Variants in SPAG16 observed in about 807,000 individuals in gnomAD.
The protein encoded by SPAG16 is sperm associated antigen 16.
Under a neutral mutation model 80.4 loss-of-function variants are expected in SPAG16, and 86 were observed. That is an observed-to-expected ratio of 1.07 (90% CI 0.90 to 1.28). The LOEUF (loss-of-function observed/expected upper bound fraction) is 1.28, where lower values mean the gene tolerates loss of function less well. Among genes scored for constraint, SPAG16 ranks in the 50% most tolerant of loss-of-function variants. The probability of loss-of-function intolerance (pLI) is 0.00; values close to 1 mark genes in which losing one functional copy is unlikely to be tolerated. For synonymous variants in SPAG16, 294 were observed against 265.9 expected (o/e 1.11, Z -1.03); for missense variants, 870 against 765.3 (o/e 1.14, Z -1.61).
In SPAG16 at chr2:213,286,184, G is replaced by A. The variant is rs74321489; in HGVS notation, c.136+1565G>A. On this transcript the variant is annotated intron_variant, in intron 1 of 15. Coordinates refer to ENST00000331683, the MANE Select transcript of SPAG16 (RefSeq NM_024532.5). ...CTTTTTCAAATAATCACACTTATTT[G>A]AACTTTAACACATATAAGCAACTGT... Among the ~76,000 whole-genome samples the A allele has an allele frequency of 3.5e-4, 53 of 152,260 alleles. 1 individual carries two copies. The East Asian group carries it at 0.01, about 29-fold the overall frequency.
At chr2:213,873,290 G>T (rs2076020883) in intron 11 of SPAG16, among the ~76,000 whole-genome samples, 2 of 151,684 alleles carry the variant, frequency 1.3e-5, no homozygotes, top group African/African-American at 4.8e-5. Flanking sequence ...TCTCATATTT[G>T]TTGCCATGTT....
intron 9 of SPAG16, among the ~76,000 whole-genome samples, chr2:213,462,855 T>C (rs2072460396): frequency 1.3e-5 from 2 of 152,166 alleles, no homozygotes; most frequent in African/African-American, 4.8e-5. Flanking sequence ...AGTAAATCGG[T>C]ACCACAGAGA....
At chr2:213,917,215 C>T (rs1240086085) in intron 11 of SPAG16, among the ~76,000 whole-genome samples, 1 of 152,080 alleles carries the variant, frequency 6.6e-6, no homozygotes, top group Middle Eastern at 3.2e-3. Flanking sequence ...AATGTGATGC[C>T]TCCAGCTTTG....
chr2:213,561,558 C>A (rs2125983078), intron 10 of SPAG16, among the ~76,000 whole-genome samples: 1 of 152,104 alleles, frequency 6.6e-6, no homozygotes, highest in South Asian at 2.1e-4. Flanking sequence ...TACTATGTAC[C>A]CACAAAAGTT....
intron 10 of SPAG16, among the ~76,000 whole-genome samples, chr2:213,702,900 T>C (rs1385512984): frequency 2.6e-5 from 4 of 152,022 alleles, no homozygotes; most frequent in Non-Finnish European, 4.4e-5. Flanking sequence ...CCCAAGGAGG[T>C]GGGCTTCTCT....
chr2:213,917,915 A>G (rs1382976605), intron 11 of SPAG16, among the ~76,000 whole-genome samples: 1 of 152,160 alleles, frequency 6.6e-6, no homozygotes, highest in African/African-American at 2.4e-5. Context: ...TGGGTTTGTC[A>G]TAGATGGCTC....
chr2:214,103,404 T>C (rs767888077), intron 13 of SPAG16, among the ~76,000 whole-genome samples: 2 of 152,182 alleles, frequency 1.3e-5, no homozygotes, highest in Non-Finnish European at 2.9e-5. Flanking sequence ...GCCTGACCTC[T>C]AGTCTGGCTG....
chr2:213,813,321 A>G (rs929756362), intron 10 of SPAG16, among the ~76,000 whole-genome samples: 34 of 152,328 alleles, frequency 2.2e-4, no homozygotes, highest in African/African-American at 8.2e-4. Flanking sequence ...CTCAAAGGTC[A>G]AATGTAGGCT....
At chr2:214,078,249 A>G (rs1162757553) in intron 13 of SPAG16, among the ~76,000 whole-genome samples, 3 of 152,110 alleles carry the variant, frequency 2.0e-5, no homozygotes, top group Non-Finnish European at 2.9e-5. Flanking sequence ...GATTAAAAGT[A>G]TAGTCATCAA....
At chr2:213,652,038 T>C (rs1228978229) in intron 10 of SPAG16, among the ~76,000 whole-genome samples, 1 of 152,128 alleles carries the variant, frequency 6.6e-6, no homozygotes, top group Non-Finnish European at 1.5e-5. Context: ...AATGATTTTG[T>C]CCCCCTTATT....
chr2:213,711,858 C>T (rs1033361061), intron 10 of SPAG16, among the ~76,000 whole-genome samples: 21 of 152,216 alleles, frequency 1.4e-4, no homozygotes, highest in Non-Finnish European at 1.0e-4. Context: ...TCTCTGTAGA[C>T]ATCTAACACT....
At chr2:214,367,539 C>G (rs529363356) in intron 15 of SPAG16, among the ~76,000 whole-genome samples, 208 of 152,256 alleles carry the variant, frequency 1.4e-3, no homozygotes, top group African/African-American at 4.9e-3. Flanking sequence ...GCGGAAAAGG[C>G]TTCTATGATG....
At chr2:213,953,414 TA>T (rs1443191840) in intron 12 of SPAG16, among the ~76,000 whole-genome samples, 1 of 151,562 alleles carries the variant, frequency 6.6e-6, no homozygotes, top group African/African-American at 2.4e-5. Flanking sequence ...AAAAAGTATA[TA>T]AAAAAGTAAT....
intron 15 of SPAG16, among the ~76,000 whole-genome samples, chr2:214,399,739 T>C (rs368456569): frequency 2.0e-4 from 30 of 152,232 alleles, no homozygotes; most frequent in East Asian, 9.6e-4. Context: ...CCTTGGTTCC[T>C]TTGCCTATTT....
chr2:213,337,202 A>G (rs1290588110), intron 5 of SPAG16, among the ~76,000 whole-genome samples: 3 of 152,228 alleles, frequency 2.0e-5, no homozygotes, highest in African/African-American at 7.2e-5. Flanking sequence ...GGACCCCACA[A>G]AAACCCATCC....
At chr2:213,804,500 G>C (rs981660234) in intron 10 of SPAG16, among the ~76,000 whole-genome samples, 6 of 152,082 alleles carry the variant, frequency 3.9e-5, no homozygotes, top group Non-Finnish European at 7.4e-5. Context: ...TGGCTAACAC[G>C]GTGAAACCCT....
intron 10 of SPAG16, among the ~76,000 whole-genome samples, chr2:213,803,297 T>C (rs1293790374): frequency 6.6e-6 from 1 of 152,174 alleles, no homozygotes; most frequent in Non-Finnish European, 1.5e-5. Context: ...TAACTCAAGA[T>C]TACCCTACTA....
At chr2:214,123,057 A>G (rs1207580424) in intron 14 of SPAG16, among the ~76,000 whole-genome samples, 2 of 151,960 alleles carry the variant, frequency 1.3e-5, no homozygotes, top group African/African-American at 4.8e-5. Context: ...AATAATTTCT[A>G]GTAAAAAGTG....
intron 15 of SPAG16, among the ~76,000 whole-genome samples, chr2:214,319,211 C>CACACACACACACACACAT (rs1455918899): frequency 6.6e-6 from 1 of 151,368 alleles, no homozygotes; most frequent in Non-Finnish European, 1.5e-5. Context: ...CACACACACA[C>CACACACACACACACACAT]ACACACACAC....
Sources: gnomAD v4.1 joint callset for allele counts (sites outside exome capture counted in the v4.1 genomes callset) on GRCh38, gnomAD v4.1.1 for gene constraint, MANE v1.5 for transcripts, NCBI Gene and HGNC (gene_info 2026-07-23, HGNC 2026-07-21) for gene names.